The following ARHGEF18 variants were observed in gnomAD, a reference collection of about 807,000 sequenced individuals.
The protein encoded by ARHGEF18 is Rho/Rac guanine nucleotide exchange factor 18, also known as rho guanine nucleotide exchange factor 18.
ARHGEF18 carries 93 observed loss-of-function variants against 155.7 expected under a neutral mutation model. The ratio of observed to expected loss-of-function variants is 0.60; its 90% CI spans 0.50 to 0.71. The LOEUF is 0.71. Among genes scored for constraint, ARHGEF18 ranks in the 30% least tolerant of loss-of-function variants. The pLI is 0.00. For synonymous variants in ARHGEF18, 742 were observed against 753.1 expected (o/e 0.99, Z 0.24); for missense variants, 1,593 against 1,816.1 (o/e 0.88, Z 2.23).
chr19:7,399,516 C>T (rs551155197), intron 10 of ARHGEF18, among the ~76,000 whole-genome samples: 1 of 149,894 alleles, frequency 6.7e-6, no homozygotes, highest in Admixed American at 6.7e-5. Flanking sequence ...GAGTTTTGCT[C>T]TGTGCCCCAG....
At chr19:7,366,235 C>T (rs767309989) in intron 2 of ARHGEF18, among the ~76,000 whole-genome samples, 10 of 152,240 alleles carry the variant, frequency 6.6e-5, no homozygotes, top group Non-Finnish European at 1.5e-4. Flanking sequence ...GCGTGAGCCA[C>T]GGCGCCCAGC....
chr19:7,380,446 T>C (rs1170781148), intron 7 of ARHGEF18, among the ~76,000 whole-genome samples: 1 of 143,984 alleles, frequency 6.9e-6, no homozygotes, highest in South Asian at 2.2e-4. Context: ...ACCACCACAC[T>C]CCAGCCTGGG....
intron 2 of ARHGEF18, among the ~76,000 whole-genome samples, chr19:7,365,329 G>A (rs978613294): frequency 1.3e-5 from 2 of 152,130 alleles, no homozygotes; most frequent in Admixed American, 6.6e-5. Context: ...CGGGAGACTG[G>A]GGCAAGAGAA....
chr19:7,422,849 G>C (rs1355505137), intron 10 of ARHGEF18, among the ~76,000 whole-genome samples: 1 of 150,536 alleles, frequency 6.6e-6, no homozygotes, highest in Non-Finnish European at 1.5e-5. Context: ...CTCCCAAGAA[G>C]CTGGGATTAC....
chr19:7,440,883 G>T lies in ARHGEF18; in HGVS notation c.1106+401G>T, dbSNP rs780523488. ...TGATAATGCCTGCAGCGGTGTCCGG[G>T]TAGAAAGTGATGCTAGAAGCTGATA... On this transcript the variant is annotated intron_variant, in intron 11 of 28. Transcript: ENST00000668164. The surrounding 1 kb of genome is among the most constrained non-coding windows in gnomAD (Gnocchi z 5.4). 2.0e-5 allele frequency among the ~76,000 whole-genome samples: 3 copies of T among 152,114 alleles called. No homozygotes were observed. Among genetic ancestry groups the T allele is most frequent in the Non-Finnish European group, 4.4e-5 (3 of 68,024 alleles).
the ARHGEF18 span, chr19:7,478,304 G>T: frequency 7.0e-5 from 112 of 1,609,742 alleles, 2 homozygotes; most frequent in South Asian, 1.0e-3. Context: ...GGGTGATCAC[G>T]GGCTCCTACC....
chr19:7,479,253 G>T, the ARHGEF18 span, among the ~76,000 whole-genome samples: 51 of 152,314 alleles, frequency 3.3e-4, no homozygotes, highest in African/African-American at 9.4e-4. Flanking sequence ...GGAGGCCAAG[G>T]CCGGTGGATC....
At position 7,469,124 on chromosome 19, in the gene ARHGEF18, G is replaced by A; in HGVS notation, c.3780G>A (p.Glu1260=). The A allele has an allele frequency of 6.3e-7, 1 of 1,593,290 alleles. No individual in the cohort carries two copies. Among genetic ancestry groups the A allele is most frequent in the Non-Finnish European group, 8.5e-7 (1 of 1,170,384 alleles). ...GGKSRGSQRW[E]SSASFDLKQQ... Reference sequence around the variant, plus strand: ...AGAGCAGGGGCTCTCAGCGCTGGGAGAGCTCAGGTGAGCCGGCCCCACCCC... The same window carrying A: ...AGAGCAGGGGCTCTCAGCGCTGGGAAAGCTCAGGTGAGCCGGCCCCACCCC... The change falls in exon 27 of 29, where the codon GAG becomes GAA. Residue 1260 remains glutamate (E), a synonymous_variant. Coordinates refer to ENST00000668164, the MANE Select transcript of ARHGEF18 (RefSeq NM_001367823.1).
At position 7,466,988 on chromosome 19, in the gene ARHGEF18, G is replaced by A; in HGVS notation, c.2961+14G>A. 3 of 1,613,344 alleles carry A rather than the reference G, an allele frequency of 1.9e-6. No homozygotes were observed. The highest frequency in any genetic ancestry group is 2.5e-6 in the Non-Finnish European group (3 of 1,179,974). The stretch of plus-strand genomic sequence containing the variant: ...CTGGAGTCGGAGGTAGGCGCCCGCG[G>A]GTCTCCATCTCCCCAGGGCCTTGTG... On this transcript the variant is annotated intron_variant, in intron 24 of 28. Transcript: ENST00000668164.
At chr19:7,453,441 G>C in intron 16 of ARHGEF18, 26 bp from the exon 17 acceptor site, 3 of 1,562,298 alleles carry the variant, frequency 1.9e-6, no homozygotes, top group Non-Finnish European at 2.6e-6. Context: ...GGAAAAGAAA[G>C]ACGCTAACTC....
At chr19:7,475,627 C>G (rs2145939818), downstream of ARHGEF18, among the ~76,000 whole-genome samples, 1 of 152,326 alleles carries the variant, frequency 6.6e-6, no homozygotes, top group Middle Eastern at 3.4e-3. Context: ...CCTGTCTGCT[C>G]TGTGCCTGGG....
intron 10 of ARHGEF18, among the ~76,000 whole-genome samples, chr19:7,406,120 A>C (rs1972292688): frequency 1.3e-5 from 2 of 151,700 alleles, no homozygotes; most frequent in East Asian, 2.0e-4. Context: ...TCGCTCTGTC[A>C]CCTAGGCTGG....
At chr19:7,369,845 T>C (rs1166674965) in intron 2 of ARHGEF18, among the ~76,000 whole-genome samples, 1 of 152,020 alleles carries the variant, frequency 6.6e-6, no homozygotes, top group African/African-American at 2.4e-5. Flanking sequence ...AAAATTGCCA[T>C]GCAATTGTGC....
rs911297320 is a variant in ARHGEF18 at position 7,453,649 on chromosome 19, A to G, written c.2038A>G (p.Met680Val). ...KNGLTFRKEDMLQRQLHLEGM... is the reference protein window; with the variant it reads ...KNGLTFRKEDVLQRQLHLEGM... ...CGGGCTCACCTTCCGCAAGGAAGAC[A>G]TGCTTCAGCGGCAGCTCCACCTGGA... Residue 680 changes from methionine (M) to valine (V), a missense_variant, in exon 17 of 29, where the codon ATG becomes GTG. By Grantham distance (21) the Met-to-Val change is conservative (BLOSUM62 1). Transcript: ENST00000668164. The G allele has an allele frequency of 1.2e-6, 2 of 1,609,964 alleles. No individual in the cohort carries two copies. Among genetic ancestry groups the G allele is most frequent in the Non-Finnish European group, 8.5e-7 (1 of 1,176,860 alleles).
At chr19:7,352,832 CTTTTT>C (rs587602037) in intron 1 of ARHGEF18, among the ~76,000 whole-genome samples, 26 of 49,884 alleles carry the variant, frequency 5.2e-4, no homozygotes, top group East Asian at 2.3e-3. Context: ...CGTGCCTGGC[CTTTTT>C]TTTTTTTTTT....
rs144529910 is a variant in ARHGEF18, at chr19:7,457,889, C to T, written c.2182-623C>T. 5.4e-4 allele frequency among the ~76,000 whole-genome samples: 82 copies of T among 152,204 alleles called. 2 individuals carry two copies. The highest frequency in any genetic ancestry group is 7.2e-4 in the Admixed American group (11 of 15,264). On this transcript the variant is annotated intron_variant, in intron 18 of 28. Transcript: ENST00000668164. ...AGGCACAAGACAGAGATGGGTTTAT[C>T]TGTTGTTATATACTACATACCGTTG... is the stretch of plus-strand genomic sequence containing the variant.
At chr19:7,397,223 A>C (rs1473930095) in intron 10 of ARHGEF18, among the ~76,000 whole-genome samples, 3 of 151,138 alleles carry the variant, frequency 2.0e-5, no homozygotes, top group Non-Finnish European at 4.4e-5. Flanking sequence ...TAGCTTATTT[A>C]GTTTTTGTTT....
chr19:7,381,830 T>C (rs1020913661), intron 8 of ARHGEF18, among the ~76,000 whole-genome samples: 1 of 152,102 alleles, frequency 6.6e-6, no homozygotes, highest in East Asian at 1.9e-4. Flanking sequence ...TCCCTCTCTC[T>C]CCCTCCTTTC....
At chr19:7,476,965 G>C (rs1043787344), downstream of ARHGEF18, 12 of 411,016 alleles carry the variant, frequency 2.9e-5, no homozygotes, top group East Asian at 4.3e-4. Context: ...GATACAAGAC[G>C]CCAGCTGGCA....
Sources: allele counts gnomAD v4.1 joint callset (sites outside exome capture counted in the v4.1 genomes callset), GRCh38; gene constraint gnomAD v4.1.1; non-coding constraint Gnocchi (gnomAD v3.1); transcripts MANE v1.5; gene names NCBI Gene and HGNC (gene_info 2026-07-23, HGNC 2026-07-21).